BABAM2: variants seen among roughly 807,000 people sequenced by gnomAD.
The protein encoded by BABAM2 is BRISC and BRCA1-A complex member 2.
BABAM2 carries 31 observed loss-of-function variants against 54.7 expected under a neutral mutation model. The observed-to-expected ratio is 0.57, with a 90% CI of 0.43 to 0.77. The LOEUF is 0.77. BABAM2 is among the 30% of genes least tolerant of loss of function. BABAM2 has a pLI of 0.00. For missense variants in BABAM2, 364 were observed against 455.8 expected (o/e 0.80, Z 1.83); for synonymous variants, 167 against 162.9 (o/e 1.03, Z -0.19).
chr2:27,922,425 C>G (rs966302635), intron 2 of BABAM2, among the ~76,000 whole-genome samples: 1 of 152,158 alleles, frequency 6.6e-6, no homozygotes, highest in South Asian at 2.1e-4. Flanking sequence ...AAGGTTCTTA[C>G]GCTCAGCATT....
At chr2:28,152,783 G>A (rs557730366) in intron 7 of BABAM2, among the ~76,000 whole-genome samples, 3 of 152,342 alleles carry the variant, frequency 2.0e-5, no homozygotes, top group African/African-American at 7.2e-5. Context: ...GGTGTGATTT[G>A]AGCTGAGTCT....
chr2:28,078,673 T>C (rs937813), intron 6 of BABAM2, among the ~76,000 whole-genome samples: 14,986 of 151,972 alleles, frequency 0.099, 813 homozygotes, highest in Middle Eastern at 0.16. Flanking sequence ...TAGGTTTGGG[T>C]GGGGGTGAGC....
intron 4 of BABAM2, among the ~76,000 whole-genome samples, chr2:28,020,991 A>ACACACACACAC (rs1573407122): frequency 1.2e-4 from 18 of 149,292 alleles, no homozygotes; most frequent in East Asian, 1.9e-4. Context: ...ACACACACAC[A>ACACACACACAC]AACTACTTGT....
In BABAM2 at chr2:28,196,321, C is replaced by CGTCTCAAAAAAAAAAAAAAAAAAAA. The variant is rs1360883175; in HGVS notation, c.681-40881_681-40880insGTCTCAAAAAAAAAAAAAAAAAAAA. ...CAGCCTGGGCAACAGAGCAAGACTC[C>CGTCTCAAAAAAAAAAAAAAAAAAAA]ATATAAAAAAAAAATGAATTTTTTA... On this transcript the variant is annotated intron_variant, in intron 7 of 11. Coordinates refer to ENST00000379624, the MANE Select transcript of BABAM2 (RefSeq NM_199191.3). Among the ~76,000 whole-genome samples the CGTCTCAAAAAAAAAAAAAAAAAAAA allele has an allele frequency of 1.1e-4, 12 of 107,672 alleles. 1 individual carries two copies. Among genetic ancestry groups the CGTCTCAAAAAAAAAAAAAAAAAAAA allele is most frequent in the Admixed American group, 5.9e-4 (6 of 10,254 alleles). The allele number at this position is 107,672 out of a possible 152,430, so 70.6% of individuals were successfully genotyped here. A position where few individuals can be genotyped will look rare whatever the true frequency, so the allele number is the denominator to read the frequency against.
chr2:27,889,788 CA>C (rs763747663), upstream of BABAM2, among the ~76,000 whole-genome samples: 17 of 152,088 alleles, frequency 1.1e-4, no homozygotes, highest in Non-Finnish European at 2.5e-4. Context: ...TTATTTTATA[CA>C]ATAAGCTCAG....
At chr2:28,261,454 C>T (rs553164498) in intron 10 of BABAM2, among the ~76,000 whole-genome samples, 2 of 151,782 alleles carry the variant, frequency 1.3e-5, no homozygotes, top group Middle Eastern at 3.2e-3. Flanking sequence ...CTCAGCCTCC[C>T]GAGTAGCTGG....
At chr2:28,145,161 C>T (rs1671384559) in intron 7 of BABAM2, among the ~76,000 whole-genome samples, 1 of 152,154 alleles carries the variant, frequency 6.6e-6, no homozygotes, top group African/African-American at 2.4e-5. Flanking sequence ...TGTGGTGTGA[C>T]TTATAGACAG....
In BABAM2 at chr2:28,285,716, A is replaced by G. The variant is rs17006657; in HGVS notation, c.935-12622A>G. On this transcript the variant is annotated intron_variant, in intron 10 of 11. Transcript: ENST00000379624. Reference sequence around the variant, plus strand: ...CTTCCACTCAGCATCTCCCTTGAACATAAGAGATGTGCAAATAAGTCTTTT... The same window carrying G: ...CTTCCACTCAGCATCTCCCTTGAACGTAAGAGATGTGCAAATAAGTCTTTT... Among the ~76,000 whole-genome samples the G allele has an allele frequency of 7.2e-3, 1,099 of 152,048 alleles. 9 individuals carry two copies. The highest frequency in any genetic ancestry group is 0.025 in the African/African-American group (1,041 of 41,456).
chr2:28,253,215 C>T (rs1683657663), intron 10 of BABAM2, among the ~76,000 whole-genome samples: 2 of 151,824 alleles, frequency 1.3e-5, no homozygotes, highest in Middle Eastern at 3.4e-3. Flanking sequence ...ACTTGGCCAA[C>T]ATGGTGAAAC....
At chr2:28,227,970 A>G (rs549253700) in intron 7 of BABAM2, among the ~76,000 whole-genome samples, 1 of 152,194 alleles carries the variant, frequency 6.6e-6, no homozygotes, top group Non-Finnish European at 1.5e-5. Context: ...GGTACAGAGA[A>G]AGATTACAAT....
chr2:28,038,980 A>T lies in BABAM2; in HGVS notation c.496-6745A>T, dbSNP rs1252127226. Among the ~76,000 whole-genome samples the T allele has an allele frequency of 2.6e-5, 4 of 152,190 alleles. No homozygotes were observed. The East Asian group carries it at 7.7e-4, about 29-fold the overall frequency. ...TTCAAACTGCTTTCCACCTGCCTGA[A>T]CTAACTTACATTCCCACTAACAGTG... is the stretch of plus-strand genomic sequence containing the variant. On this transcript the variant is annotated intron_variant, in intron 5 of 11. Coordinates refer to ENST00000379624, the MANE Select transcript of BABAM2 (RefSeq NM_199191.3).
chr2:28,083,076 T>C (rs1414720177), intron 6 of BABAM2, among the ~76,000 whole-genome samples: 1 of 152,200 alleles, frequency 6.6e-6, no homozygotes, highest in African/African-American at 2.4e-5. Context: ...CTTCAGCCTG[T>C]TAGAGTCTTT....
chr2:27,917,413 T>C (rs1442234218), intron 2 of BABAM2, among the ~76,000 whole-genome samples: 3 of 152,198 alleles, frequency 2.0e-5, no homozygotes, highest in Non-Finnish European at 4.4e-5. Flanking sequence ...CAGAAGTTTA[T>C]TGCTCACAGT....
At chr2:27,924,838 ATG>A (rs1399524122) in intron 2 of BABAM2, among the ~76,000 whole-genome samples, 1 of 152,258 alleles carries the variant, frequency 6.6e-6, no homozygotes, top group East Asian at 1.9e-4. Flanking sequence ...CTTGAGGTAC[ATG>A]GCACTGGCTT....
chr2:28,250,276 G>A (rs533436632), intron 10 of BABAM2, among the ~76,000 whole-genome samples: 6 of 151,064 alleles, frequency 4.0e-5, no homozygotes, highest in Non-Finnish European at 7.4e-5. Flanking sequence ...TGAAGCAGGC[G>A]TGGCTGGAGC....
chr2:28,093,140 T>G (rs115168995), intron 6 of BABAM2, among the ~76,000 whole-genome samples: 2 of 152,176 alleles, frequency 1.3e-5, no homozygotes, highest in East Asian at 3.8e-4. Context: ...TTCTTTAAAT[T>G]TGTATACCAC....
At chr2:27,963,786 A>G (rs1670649607) in intron 3 of BABAM2, among the ~76,000 whole-genome samples, 1 of 152,200 alleles carries the variant, frequency 6.6e-6, no homozygotes, top group African/African-American at 2.4e-5. Flanking sequence ...CTCAGATGAA[A>G]TACTCTAGGG....
intron 10 of BABAM2, among the ~76,000 whole-genome samples, chr2:28,295,798 C>G (rs1032003090): frequency 6.6e-5 from 10 of 151,626 alleles, no homozygotes; most frequent in African/African-American, 2.4e-4. Flanking sequence ...CGCCCAGCCA[C>G]GAATAGGCCT....
chr2:27,992,027 T>C (rs1186331093), intron 4 of BABAM2, among the ~76,000 whole-genome samples: 1 of 152,204 alleles, frequency 6.6e-6, no homozygotes, highest in Non-Finnish European at 1.5e-5. Context: ...CTTGCTATTA[T>C]GTCTTTTTTA....
Sources: gnomAD v4.1 joint callset for allele counts (sites outside exome capture counted in the v4.1 genomes callset) on GRCh38, gnomAD v4.1.1 for gene constraint, MANE v1.5 for transcripts, NCBI Gene and HGNC (gene_info 2026-07-23, HGNC 2026-07-21) for gene names.